The following PABPC4L variants were observed in gnomAD, a reference collection of about 807,000 sequenced individuals.
PABPC4L encodes the protein poly(A) binding protein cytoplasmic 4 like, also known as polyadenylate-binding protein 4-like.
For missense variants in PABPC4L, 452 were observed against 451.4 expected (o/e 1.00, Z -0.01); for synonymous variants, 169 against 164.1 (o/e 1.03, Z -0.23).
the PABPC4L span, among the ~76,000 whole-genome samples, chr4:134,006,352 A>G: frequency 6.6e-6 from 1 of 151,938 alleles, no homozygotes; most frequent in Non-Finnish European, 1.5e-5. Flanking sequence ...TAATGCTTCT[A>G]GTACTATAAT....
chr4:134,088,168 A>T, the PABPC4L span, among the ~76,000 whole-genome samples: 1 of 152,154 alleles, frequency 6.6e-6, no homozygotes, highest in Non-Finnish European at 1.5e-5. Flanking sequence ...CCTAAAAATT[A>T]GAATATTCTG....
the PABPC4L span, among the ~76,000 whole-genome samples, chr4:133,948,622 AC>A: frequency 6.6e-6 from 1 of 152,112 alleles, no homozygotes; most frequent in South Asian, 2.1e-4. Flanking sequence ...GCAATGATAG[AC>A]TTTTGCAAGT....
At chr4:134,181,342 A>T in the PABPC4L span, among the ~76,000 whole-genome samples, 3 of 152,002 alleles carry the variant, frequency 2.0e-5, no homozygotes, top group Admixed American at 6.6e-5. Context: ...AAATACCCCC[A>T]ACAGACTAGG....
the PABPC4L span, among the ~76,000 whole-genome samples, chr4:134,039,587 G>T: frequency 6.6e-6 from 1 of 152,028 alleles, no homozygotes; most frequent in African/African-American, 2.4e-5. Flanking sequence ...GCCCTTCTTT[G>T]TGTCTTTTGA....
the PABPC4L span, among the ~76,000 whole-genome samples, chr4:134,102,398 G>GTT: frequency 6.6e-6 from 1 of 151,126 alleles, no homozygotes; most frequent in Non-Finnish European, 1.5e-5. Context: ...GAATCACCTA[G>GTT]GACATTAAAA....
the PABPC4L span, among the ~76,000 whole-genome samples, chr4:134,108,989 A>G: frequency 6.6e-6 from 1 of 151,966 alleles, no homozygotes; most frequent in Non-Finnish European, 1.5e-5. Context: ...ATCAAGTTTG[A>G]TAAATAAACA....
At chr4:134,171,800 A>C in the PABPC4L span, among the ~76,000 whole-genome samples, 1 of 152,278 alleles carries the variant, frequency 6.6e-6, no homozygotes, top group East Asian at 1.9e-4. Flanking sequence ...AAGATCTAAT[A>C]AAGAACTTCA....
the PABPC4L span, among the ~76,000 whole-genome samples, chr4:134,083,053 T>A: frequency 6.6e-6 from 1 of 152,188 alleles, no homozygotes. Flanking sequence ...GCAGTAGAAT[T>A]GACTTGATTC....
At chr4:134,189,080 A>C in the PABPC4L span, among the ~76,000 whole-genome samples, 3 of 152,052 alleles carry the variant, frequency 2.0e-5, no homozygotes, top group African/African-American at 7.2e-5. Context: ...ACTAATAATG[A>C]GGCCATCAAA....
At chr4:134,164,256 C>T in the PABPC4L span, among the ~76,000 whole-genome samples, 44 of 102,980 alleles carry the variant, frequency 4.3e-4, no homozygotes, top group African/African-American at 1.8e-3. Context: ...GAGCGAGACT[C>T]CGTCTCAAAA....
chr4:134,018,771 TAAATTA>T, the PABPC4L span, among the ~76,000 whole-genome samples: 2 of 152,116 alleles, frequency 1.3e-5, no homozygotes, highest in African/African-American at 4.8e-5. Flanking sequence ...TTTCTCCATA[TAAATTA>T]AAATATAATT....
At chr4:134,050,231 G>A in the PABPC4L span, among the ~76,000 whole-genome samples, 8 of 152,212 alleles carry the variant, frequency 5.3e-5, no homozygotes, top group Admixed American at 2.6e-4. Context: ...ATTTGATTAA[G>A]ACATCTCATG....
chr4:134,014,623 T>C, the PABPC4L span, among the ~76,000 whole-genome samples: 1 of 151,824 alleles, frequency 6.6e-6, no homozygotes, highest in Admixed American at 6.6e-5. Context: ...CCTTCCCAGA[T>C]CTTCTCGGCT....
chr4:134,097,012 ATGT>A, the PABPC4L span, among the ~76,000 whole-genome samples: 7 of 151,964 alleles, frequency 4.6e-5, no homozygotes, highest in Non-Finnish European at 8.8e-5. Context: ...AAATCACCTC[ATGT>A]TGTTCAATGG....
At chr4:134,129,995 G>A in the PABPC4L span, among the ~76,000 whole-genome samples, 1 of 151,218 alleles carries the variant, frequency 6.6e-6, no homozygotes, top group Non-Finnish European at 1.5e-5. Context: ...AACCCAGAAG[G>A]TGGAGGTTGC....
the PABPC4L span, among the ~76,000 whole-genome samples, chr4:134,185,816 C>T: frequency 6.6e-6 from 1 of 152,176 alleles, no homozygotes; most frequent in African/African-American, 2.4e-5. Context: ...TCTCCTTAAG[C>T]TGATAAGCAA....
the PABPC4L span, among the ~76,000 whole-genome samples, chr4:134,180,395 T>A: frequency 5.9e-5 from 9 of 151,970 alleles, no homozygotes; most frequent in African/African-American, 2.2e-4. Context: ...AAAGTAGTTT[T>A]AAGAGGGAAG....
Position 134,201,395 on chromosome 4 carries a change from A to G in PABPC4L, c.-226-150T>C, listed in dbSNP as rs1729878708. 4.2e-6 allele frequency: 4 copies of G among 942,768 alleles called. No homozygotes were observed. The South Asian group carries it at 6.8e-5, about 16-fold the overall frequency. 58.4% of individuals were successfully genotyped at this position (942,768 alleles called of 1,614,324 possible). A position where few individuals can be genotyped will look rare whatever the true frequency, so the allele number is the denominator to read the frequency against. On this transcript the variant is annotated intron_variant, in intron 1 of 1. Transcript: ENST00000421491. ...TTCTGAATAAAAATAGGCCTCGCTC[A>G]GAGTGGTTTAAAGTTACAGCCGCTC...
At chr4:134,022,359 G>A in the PABPC4L span, among the ~76,000 whole-genome samples, 1 of 152,016 alleles carries the variant, frequency 6.6e-6, no homozygotes, top group Admixed American at 6.6e-5. Flanking sequence ...TTCAGTGATG[G>A]AATCTGACAC....
Sources: allele counts gnomAD v4.1 joint callset (sites outside exome capture counted in the v4.1 genomes callset), GRCh38; gene constraint gnomAD v4.1.1; transcripts MANE v1.5; gene names NCBI Gene and HGNC (gene_info 2026-07-23, HGNC 2026-07-21).